Variants in LGSN observed in about 807,000 individuals in gnomAD.
LGSN encodes the protein lengsin, lens protein with glutamine synthetase domain, also known as lengsin.
In LGSN, 21 loss-of-function variants were observed where a neutral mutation model predicts 19.5. That is an observed-to-expected ratio of 1.07 (90% CI 0.76 to 1.55). The LOEUF is 1.55. Among genes scored for constraint, LGSN ranks in the 40% most tolerant of loss-of-function variants. The pLI, the probability that LGSN is intolerant of heterozygous loss-of-function variation, is 0.00. For synonymous variants in LGSN, 257 were observed against 215.6 expected, an observed-to-expected ratio of 1.19 and a Z score of -1.68; for missense variants, 673 against 608.5, an observed-to-expected ratio of 1.11 and a Z score of -1.12.
At chr6:63,415,282 C>G in the LGSN span, among the ~76,000 whole-genome samples, 11 of 152,086 alleles carry the variant, frequency 7.2e-5, no homozygotes, top group Non-Finnish European at 2.9e-5. Flanking sequence ...GATTGAGACA[C>G]TGTACTTCAG....
upstream of LGSN, among the ~76,000 whole-genome samples, chr6:63,324,139 A>G (rs1769170424): frequency 6.6e-6 from 1 of 152,212 alleles, no homozygotes; most frequent in African/African-American, 2.4e-5. Context: ...CACTAATGCT[A>G]GATGAGAATG....
At chr6:63,348,594 TA>T in the LGSN span, among the ~76,000 whole-genome samples, 1 of 152,138 alleles carries the variant, frequency 6.6e-6, no homozygotes, top group East Asian at 1.9e-4. Flanking sequence ...ATATCATCTC[TA>T]CAAGGCACTA....
the LGSN span, among the ~76,000 whole-genome samples, chr6:63,501,595 A>G: frequency 6.6e-6 from 1 of 152,144 alleles, no homozygotes; most frequent in Admixed American, 6.6e-5. Flanking sequence ...TGTGAAAAAA[A>G]AAAAGCGCTT....
At chr6:63,420,910 A>G in the LGSN span, among the ~76,000 whole-genome samples, 1 of 152,196 alleles carries the variant, frequency 6.6e-6, no homozygotes, top group Non-Finnish European at 1.5e-5. Flanking sequence ...AAGAAATCAA[A>G]AGTCTTGGTA....
At chr6:63,432,218 G>T in the LGSN span, among the ~76,000 whole-genome samples, 187 of 114,784 alleles carry the variant, frequency 1.6e-3, 3 homozygotes, top group Admixed American at 3.6e-3. Context: ...GAAAAGAAAA[G>T]AAAAGAAACA....
At chr6:63,299,683 G>C (rs185546688) in intron 1 of LGSN, among the ~76,000 whole-genome samples, 1 of 152,092 alleles carries the variant, frequency 6.6e-6, no homozygotes, top group Non-Finnish European at 1.5e-5. Flanking sequence ...GCCCTTGTCC[G>C]TGTCTGTCTA....
chr6:63,438,108 A>G, the LGSN span, among the ~76,000 whole-genome samples: 1 of 152,152 alleles, frequency 6.6e-6, no homozygotes, highest in African/African-American at 2.4e-5. Flanking sequence ...ATATATGTAT[A>G]TAATTCAAAA....
At chr6:63,517,788 T>C in the LGSN span, among the ~76,000 whole-genome samples, 1 of 152,170 alleles carries the variant, frequency 6.6e-6, no homozygotes, top group East Asian at 1.9e-4. Flanking sequence ...ACACAGACTA[T>C]GTCCAAAATC....
At chr6:63,430,545 C>T in the LGSN span, among the ~76,000 whole-genome samples, 2 of 152,162 alleles carry the variant, frequency 1.3e-5, no homozygotes, top group East Asian at 1.9e-4. Context: ...TGCACCACCA[C>T]ACCTGGTCAA....
chr6:63,382,065 C>A, the LGSN span, among the ~76,000 whole-genome samples: 1 of 152,144 alleles, frequency 6.6e-6, no homozygotes, highest in East Asian at 1.9e-4. Context: ...TGCTATTCTT[C>A]TTCAATCATT....
At chr6:63,400,866 C>T in the LGSN span, among the ~76,000 whole-genome samples, 5 of 151,446 alleles carry the variant, frequency 3.3e-5, 1 homozygote, top group South Asian at 6.3e-4. Flanking sequence ...TGGTGGTGGG[C>T]GCCTGTAATC....
At chr6:63,416,934 C>CAA in the LGSN span, among the ~76,000 whole-genome samples, 1 of 98,080 alleles carries the variant, frequency 1.0e-5, no homozygotes, top group Admixed American at 8.9e-5. Context: ...TATGTATGTA[C>CAA]ACACACACAC....
At chr6:63,341,039 T>C in the LGSN span, among the ~76,000 whole-genome samples, 1 of 152,192 alleles carries the variant, frequency 6.6e-6, no homozygotes, top group East Asian at 1.9e-4. Context: ...ATATGATTTC[T>C]TCAACTGTAG....
the LGSN span, among the ~76,000 whole-genome samples, chr6:63,453,148 A>T: frequency 6.6e-6 from 1 of 152,060 alleles, no homozygotes; most frequent in East Asian, 1.9e-4. Flanking sequence ...TTGGCCAGAG[A>T]ACATACATTG....
the LGSN span, among the ~76,000 whole-genome samples, chr6:63,474,267 C>G: frequency 2.5e-4 from 38 of 152,288 alleles, no homozygotes; most frequent in African/African-American, 8.7e-4. Context: ...GGACAGCTGA[C>G]TTTCTTAGAA....
At chr6:63,317,647 C>A (rs1768913442) in intron 1 of LGSN, among the ~76,000 whole-genome samples, 1 of 152,098 alleles carries the variant, frequency 6.6e-6, no homozygotes, top group African/African-American at 2.4e-5. Flanking sequence ...GTCACACAGA[C>A]AATAGCATAA....
In LGSN at chr6:63,277,329, C is replaced by G. The variant is rs747110938; in HGVS notation, c.*2692G>C. 2 of 152,132 alleles carry G rather than the reference C, an allele frequency of 1.3e-5. No homozygotes were observed. The highest frequency in any genetic ancestry group is 2.9e-5 in the Non-Finnish European group (2 of 68,024). 9.4% of individuals were successfully genotyped at this position (152,132 alleles called of 1,614,324 possible). A position where few individuals can be genotyped will look rare whatever the true frequency, so the allele number is the denominator to read the frequency against. On this transcript the variant is annotated 3_prime_UTR_variant, in exon 4 of 4. Transcript: ENST00000370657. ...TTTATAGGGATGGGTTAGAGCCAAT[C>G]CCATTTTTTGGATGTGTGGATCCCT...
chr6:63,554,652 ACATGGTGG>A, the LGSN span, among the ~76,000 whole-genome samples: 1 of 151,944 alleles, frequency 6.6e-6, no homozygotes, highest in Non-Finnish European at 1.5e-5. Flanking sequence ...CAAAAATTAG[ACATGGTGG>A]CATGTAGTCC....
chr6:63,519,036 CG>C, the LGSN span, among the ~76,000 whole-genome samples: 1 of 152,136 alleles, frequency 6.6e-6, no homozygotes, highest in Admixed American at 6.5e-5. Context: ...GACTACAGGC[CG>C]GGCACAGTGG....
Sources: allele counts gnomAD v4.1 joint callset (sites outside exome capture counted in the v4.1 genomes callset), GRCh38; gene constraint gnomAD v4.1.1; transcripts MANE v1.5; gene names NCBI Gene and HGNC (gene_info 2026-07-23, HGNC 2026-07-21).